Variants in ALG14 observed in about 807,000 individuals in gnomAD.
ALG14 encodes the protein UDP-N-acetylglucosamine transferase subunit ALG14.
Under a neutral mutation model 22.8 loss-of-function variants are expected in ALG14, and 17 were observed. The observed-to-expected ratio is 0.75, with a 90% confidence interval of 0.51 to 1.12. ALG14 has a LOEUF of 1.12. ALG14 is among the 50% of genes most tolerant of loss of function. The pLI, the probability that ALG14 is intolerant of heterozygous loss-of-function variation, is 0.00. For synonymous variants in ALG14, 89 were observed against 103.7 expected (o/e 0.86, Z 0.86); for missense variants, 288 against 271.8 (o/e 1.06, Z -0.42).
At chr1:95,053,030 T>C (rs1286678529) in intron 2 of ALG14, among the ~76,000 whole-genome samples, 3 of 151,644 alleles carry the variant, frequency 2.0e-5, no homozygotes. Context: ...CAAAATAAAA[T>C]AGGAGAAAGA....
In ALG14 at chr1:95,015,544, A is replaced by G. The variant is rs149259898; in HGVS notation, c.420+11585T>C. 3.2e-3 allele frequency among the ~76,000 whole-genome samples: 481 copies of G among 152,364 alleles called. 1 individual carries two copies. Among genetic ancestry groups the G allele is most frequent in the African/African-American group, 0.011 (464 of 41,588 alleles). On this transcript the variant is annotated intron_variant, in intron 3 of 3. Coordinates refer to ENST00000370205, the MANE Select transcript of ALG14 (RefSeq NM_144988.4). ...GACAAAAAGCCTCAGAAGAAGCCTC[A>G]AGAAAATGAGGAACCAAACTGGGGA...
intron 3 of ALG14, among the ~76,000 whole-genome samples, chr1:94,989,160 T>C (rs1672712278): frequency 6.6e-6 from 1 of 152,220 alleles, no homozygotes; most frequent in Non-Finnish European, 1.5e-5. Flanking sequence ...TTTTTTGTTA[T>C]TCTAAATCAT....
At chr1:94,993,245 C>T (rs1672818511) in intron 3 of ALG14, among the ~76,000 whole-genome samples, 4 of 147,046 alleles carry the variant, frequency 2.7e-5, no homozygotes, top group Non-Finnish European at 6.0e-5. Context: ...CAGGCTTCTT[C>T]TATCTTTTTA....
At chr1:95,002,556 C>A (rs1315887760) in intron 3 of ALG14, among the ~76,000 whole-genome samples, 1 of 152,204 alleles carries the variant, frequency 6.6e-6, no homozygotes, top group African/African-American at 2.4e-5. Context: ...AAAACAGCCA[C>A]AAACGGATTT....
At chr1:95,004,787 G>A (rs1019957229) in intron 3 of ALG14, among the ~76,000 whole-genome samples, 5 of 146,488 alleles carry the variant, frequency 3.4e-5, no homozygotes, top group African/African-American at 1.1e-4. Flanking sequence ...GAGCCACCGC[G>A]CCTGCCCCCG....
chr1:95,001,585 T>G (rs1317029881), intron 3 of ALG14, among the ~76,000 whole-genome samples: 1 of 152,204 alleles, frequency 6.6e-6, no homozygotes, highest in Non-Finnish European at 1.5e-5. Flanking sequence ...AACCTCCGCC[T>G]CCCGGGCTCG....
chr1:95,000,535 T>TAAAAA (rs71588535), intron 3 of ALG14, among the ~76,000 whole-genome samples: 7 of 70,610 alleles, frequency 9.9e-5, no homozygotes, highest in Non-Finnish European at 1.3e-4. Context: ...GACCCTGTCC[T>TAAAAA]AAAAAAAAAA....
intron 3 of ALG14, among the ~76,000 whole-genome samples, chr1:94,985,331 G>A (rs1379589436): frequency 2.6e-5 from 4 of 152,168 alleles, no homozygotes; most frequent in Admixed American, 1.3e-4. Context: ...AGTTATGGGG[G>A]CCTGTCTTGT....
chr1:95,016,485 G>A (rs1380797452), intron 3 of ALG14, among the ~76,000 whole-genome samples: 1 of 151,956 alleles, frequency 6.6e-6, no homozygotes, highest in Non-Finnish European at 1.5e-5. Flanking sequence ...AAGAGGAAAG[G>A]GAATATGCAG....
At chr1:95,059,855 C>T (rs894469740) in intron 2 of ALG14, among the ~76,000 whole-genome samples, 2 of 152,066 alleles carry the variant, frequency 1.3e-5, no homozygotes, top group Non-Finnish European at 2.9e-5. Context: ...CTAGTGGCTA[C>T]TATACTGGAC....
chr1:95,051,908 T>C (rs1263694509), intron 2 of ALG14, among the ~76,000 whole-genome samples: 1 of 152,212 alleles, frequency 6.6e-6, no homozygotes, highest in Non-Finnish European at 1.5e-5. Context: ...TTATTCCTCT[T>C]CTTAACAAGT....
rs1410383217 is a variant in ALG14 at position 94,975,067 on chromosome 1, G to A, written c.*8009C>T. ...TTCAGTGGCTTTTAGTATATTCACA[G>A]AGATGTACAACCATCACCACTGTCG... is the stretch of plus-strand genomic sequence containing the variant. On this transcript the variant is annotated 3_prime_UTR_variant, in exon 4 of 4. Transcript: ENST00000370205. 6.6e-6 allele frequency: 1 copy of A among 152,218 alleles called. No homozygotes were observed. The highest frequency in any genetic ancestry group is 1.5e-5 in the Non-Finnish European group (1 of 68,056). The allele number at this position is 152,218 out of a possible 1,614,324, so 9.4% of individuals were successfully genotyped here.
intron 2 of ALG14, among the ~76,000 whole-genome samples, chr1:95,048,755 T>G (rs2100810755): frequency 6.6e-6 from 1 of 152,328 alleles, no homozygotes; most frequent in African/African-American, 2.4e-5. Flanking sequence ...CTTTTCAAGG[T>G]ATTTTTTTTT....
intron 1 of ALG14, among the ~76,000 whole-genome samples, chr1:95,068,880 G>C (rs1283845610): frequency 2.0e-5 from 3 of 152,120 alleles, no homozygotes; most frequent in Non-Finnish European, 1.5e-5. Flanking sequence ...CCATCCATTT[G>C]TTCAAGTCAG....
intron 2 of ALG14, among the ~76,000 whole-genome samples, chr1:95,042,584 GC>G (rs997915930): frequency 1.3e-5 from 2 of 152,192 alleles, no homozygotes; most frequent in East Asian, 1.9e-4. Context: ...CCTTTTGGGT[GC>G]CCCTTGTTTT....
chr1:95,016,726 G>C (rs1673503807), intron 3 of ALG14, among the ~76,000 whole-genome samples: 2 of 151,902 alleles, frequency 1.3e-5, no homozygotes, highest in South Asian at 2.1e-4. Flanking sequence ...ACATCTATTA[G>C]GCCTCCAAGC....
chr1:94,982,997 C>T lies in ALG14; in HGVS notation c.*79G>A. 1 of 1,222,274 alleles carries T rather than the reference C, an allele frequency of 8.2e-7. No individual in the cohort carries two copies. Among genetic ancestry groups the T allele is most frequent in the Non-Finnish European group, 1.2e-6 (1 of 838,960 alleles). 75.7% of individuals were successfully genotyped at this position (1,222,274 alleles called of 1,614,324 possible). ...GACTGTCAGACGCCTTTACAAGAAACATGTAGGGTTTTTTTCCCCCCAATT... is the reference window on the plus strand; with the variant it reads ...GACTGTCAGACGCCTTTACAAGAAATATGTAGGGTTTTTTTCCCCCCAATT... On this transcript the variant is annotated 3_prime_UTR_variant, in exon 4 of 4. Transcript: ENST00000370205.
intron 2 of ALG14, among the ~76,000 whole-genome samples, chr1:95,027,580 G>A (rs1054466631): frequency 1.9e-4 from 29 of 152,222 alleles, no homozygotes; most frequent in African/African-American, 7.0e-4. Context: ...CAGTCAATAT[G>A]TAAGACAAGT....
chr1:95,055,462 C>T (rs1445090166), intron 2 of ALG14, among the ~76,000 whole-genome samples: 1 of 151,528 alleles, frequency 6.6e-6, no homozygotes, highest in South Asian at 2.1e-4. Flanking sequence ...AATAAACACA[C>T]CAAAGATATG....
Sources: gnomAD v4.1 joint callset for allele counts (sites outside exome capture counted in the v4.1 genomes callset) on GRCh38, gnomAD v4.1.1 for gene constraint, MANE v1.5 for transcripts, NCBI Gene and HGNC (gene_info 2026-07-23, HGNC 2026-07-21) for gene names.